The following KCNJ6 variants were observed in gnomAD, a reference collection of about 807,000 sequenced individuals.
KCNJ6 encodes the protein potassium inwardly rectifying channel subfamily J member 6, also known as G protein-activated inward rectifier potassium channel 2.
Under a neutral mutation model 34.2 loss-of-function variants are expected in KCNJ6, and 9 were observed. The observed-to-expected ratio is 0.26, with a 90% confidence interval of 0.16 to 0.46. The LOEUF (loss-of-function observed/expected upper bound fraction) is 0.46, where lower values mean the gene tolerates loss of function less well. Among genes scored for constraint, KCNJ6 ranks in the 20% least tolerant of loss-of-function variants. The pLI, the probability that KCNJ6 is intolerant of heterozygous loss-of-function variation, is 1.00. For missense variants in KCNJ6, 236 were observed against 531.3 expected (o/e 0.44, Z 5.46); for synonymous variants, 196 against 207.1 (o/e 0.95, Z 0.46).
chr21:37,854,127 A>G (rs190258613), intron 1 of KCNJ6, among the ~76,000 whole-genome samples: 2 of 152,008 alleles, frequency 1.3e-5, no homozygotes, highest in African/African-American at 2.4e-5. Context: ...AAATACACCA[A>G]TTAAAAAACA....
intron 2 of KCNJ6, among the ~76,000 whole-genome samples, chr21:37,821,115 A>G (rs1323919405): frequency 6.6e-6 from 1 of 152,176 alleles, no homozygotes; most frequent in Admixed American, 6.5e-5. Flanking sequence ...ATATTATCAC[A>G]ACCACTGTTG....
chr21:37,693,558 G>A (rs2054650154), intron 3 of KCNJ6, among the ~76,000 whole-genome samples: 1 of 152,106 alleles, frequency 6.6e-6, no homozygotes, highest in East Asian at 1.9e-4. Flanking sequence ...TCGCCCCTGA[G>A]AACCTAGATC....
chr21:37,854,879 G>A (rs979560631), intron 1 of KCNJ6, among the ~76,000 whole-genome samples: 18 of 152,184 alleles, frequency 1.2e-4, no homozygotes, highest in African/African-American at 3.9e-4. Flanking sequence ...AAAACTGATA[G>A]AACTGAAAGG....
chr21:37,637,715 T>C (rs1385810110), intron 3 of KCNJ6, among the ~76,000 whole-genome samples: 1 of 152,194 alleles, frequency 6.6e-6, no homozygotes, highest in Non-Finnish European at 1.5e-5. Context: ...ACCTCCAATA[T>C]GACTGTATCT....
At chr21:37,785,362 G>A (rs1042600451) in intron 2 of KCNJ6, among the ~76,000 whole-genome samples, 7 of 152,188 alleles carry the variant, frequency 4.6e-5, no homozygotes, top group African/African-American at 1.4e-4. Flanking sequence ...CTTAAGCTGA[G>A]GAAAAACCAC....
chr21:37,722,645 C>T (rs1342656169), intron 2 of KCNJ6, among the ~76,000 whole-genome samples: 1 of 152,170 alleles, frequency 6.6e-6, no homozygotes, highest in Admixed American at 6.5e-5. Context: ...TACCTATAGC[C>T]ATCTGATCTT....
chr21:37,880,532 G>A (rs893451594), intron 1 of KCNJ6, among the ~76,000 whole-genome samples: 4 of 152,352 alleles, frequency 2.6e-5, no homozygotes, highest in Middle Eastern at 3.4e-3. Context: ...TTGATAAAAC[G>A]GCAGGGATGG....
At chr21:37,653,566 A>G (rs1332164026) in intron 3 of KCNJ6, among the ~76,000 whole-genome samples, 1 of 152,200 alleles carries the variant, frequency 6.6e-6, no homozygotes, top group African/African-American at 2.4e-5. Flanking sequence ...TTAAAAAATA[A>G]AGCAAATGCA....
intron 2 of KCNJ6, among the ~76,000 whole-genome samples, chr21:37,716,527 C>T (rs918583750): frequency 3.3e-5 from 5 of 151,932 alleles, no homozygotes; most frequent in South Asian, 2.1e-4. Flanking sequence ...GAGGCTCAGG[C>T]TTATGTCACT....
chr21:37,667,613 T>TGGGGTAGCAGGCACC, intron 3 of KCNJ6, among the ~76,000 whole-genome samples: 1 of 132,316 alleles, frequency 7.6e-6, no homozygotes, highest in African/African-American at 2.8e-5. Context: ...TAGCGGGGTC[T>TGGGGTAGCAGGCACC]GGGGTAGCAG....
chr21:37,654,346 C>T (rs2054447881), intron 3 of KCNJ6, among the ~76,000 whole-genome samples: 1 of 151,620 alleles, frequency 6.6e-6, no homozygotes, highest in Non-Finnish European at 1.5e-5. Context: ...TCTGTCAGCT[C>T]TTCTGCTACT....
At chr21:37,782,499 C>A (rs2055174320) in intron 2 of KCNJ6, among the ~76,000 whole-genome samples, 2 of 152,210 alleles carry the variant, frequency 1.3e-5, no homozygotes, top group Non-Finnish European at 1.5e-5. Flanking sequence ...TTGCTGACTG[C>A]AACCTCTTGG....
chr21:37,652,027 G>A (rs1161044856), intron 3 of KCNJ6, among the ~76,000 whole-genome samples: 2 of 152,164 alleles, frequency 1.3e-5, no homozygotes, highest in African/African-American at 2.4e-5. Context: ...GTTGTGGAAC[G>A]TCAATGAGAA....
At chr21:37,778,699 G>C (rs2055154668) in intron 2 of KCNJ6, among the ~76,000 whole-genome samples, 1 of 147,438 alleles carries the variant, frequency 6.8e-6, no homozygotes, top group Non-Finnish European at 1.5e-5. Flanking sequence ...CTGTGTGCGT[G>C]TGTGTGTGTG....
At chr21:37,832,620 C>T (rs1375252628) in intron 2 of KCNJ6, among the ~76,000 whole-genome samples, 2 of 152,122 alleles carry the variant, frequency 1.3e-5, no homozygotes, top group African/African-American at 4.8e-5. Flanking sequence ...TGCTCTCTGA[C>T]GGTCAACTCA....
At chr21:37,811,515 G>A (rs899233774) in intron 2 of KCNJ6, among the ~76,000 whole-genome samples, 16 of 152,168 alleles carry the variant, frequency 1.1e-4, no homozygotes, top group African/African-American at 3.9e-4. Flanking sequence ...TTAAATTGCA[G>A]GATGCTGAGC....
In KCNJ6 at chr21:37,617,075, TTC is replaced by T. The variant is rs1396657124; in HGVS notation, c.*8082_*8083del. On this transcript the variant is annotated 3_prime_UTR_variant, in exon 4 of 4. Transcript: ENST00000609713. ...TTCTTTTCTTTTCTTTTCTTTTCTTTTCTTTCTTTTTCTTTCTTTCTTTTCTT... is the reference window on the plus strand; with the variant it reads ...TTCTTTTCTTTTCTTTTCTTTTCTTTTTTCTTTTTCTTTCTTTCTTTTCTT... The T allele has an allele frequency of 1.7e-5, 2 of 115,948 alleles. No homozygotes were observed. The highest frequency in any genetic ancestry group is 3.6e-5 in the Non-Finnish European group (2 of 55,442). 7.2% of individuals were successfully genotyped at this position (115,948 alleles called of 1,614,324 possible).
chr21:37,844,218 C>T (rs2055495227), intron 1 of KCNJ6, among the ~76,000 whole-genome samples: 1 of 152,022 alleles, frequency 6.6e-6, no homozygotes, highest in African/African-American at 2.4e-5. Flanking sequence ...ACCAAAACGC[C>T]CAGCTAATTT....
intron 3 of KCNJ6, among the ~76,000 whole-genome samples, chr21:37,652,352 C>T (rs1400369471): frequency 1.3e-5 from 2 of 152,098 alleles, no homozygotes; most frequent in Admixed American, 1.3e-4. Context: ...GGGTCAGAAA[C>T]CTGTGGGAGC....
Sources: allele counts gnomAD v4.1 joint callset (sites outside exome capture counted in the v4.1 genomes callset), GRCh38; gene constraint gnomAD v4.1.1; transcripts MANE v1.5; gene names NCBI Gene and HGNC (gene_info 2026-07-23, HGNC 2026-07-21).